The following FOXP2 variants were observed in gnomAD, a reference collection of about 807,000 sequenced individuals.
FOXP2 encodes the protein forkhead box P2, also known as forkhead box protein P2.
A neutral mutation model predicts 115.8 loss-of-function variants in FOXP2; 12 were observed. That is an observed-to-expected ratio of 0.10 (90% confidence interval 0.07 to 0.17). The LOEUF (loss-of-function observed/expected upper bound fraction) is 0.17, where lower values mean the gene tolerates loss of function less well. FOXP2 is among the 10% of genes least tolerant of loss of function. The probability of loss-of-function intolerance (pLI) is 1.00; values close to 1 mark genes in which losing one functional copy is unlikely to be tolerated. For missense variants in FOXP2, 629 were observed against 843.5 expected (o/e 0.75, Z 3.15); for synonymous variants, 328 against 297.7 (o/e 1.10, Z -1.05).
At chr7:114,458,324 A>T (rs2129223177) in intron 2 of FOXP2, among the ~76,000 whole-genome samples, 1 of 152,156 alleles carries the variant, frequency 6.6e-6, no homozygotes, top group South Asian at 2.1e-4. Flanking sequence ...GATTGTAAGA[A>T]TTTGCATAAT....
chr7:114,210,885 C>T (rs558436567), intron 1 of FOXP2, among the ~76,000 whole-genome samples: 1 of 152,228 alleles, frequency 6.6e-6, no homozygotes, highest in Admixed American at 6.5e-5. Flanking sequence ...AGGAGGAAAT[C>T]GATCGGGGTC....
At chr7:114,202,090 G>A (rs377109740) in intron 1 of FOXP2, among the ~76,000 whole-genome samples, 52 of 152,304 alleles carry the variant, frequency 3.4e-4, no homozygotes, top group African/African-American at 1.2e-3. Flanking sequence ...CCATCCAGAG[G>A]GAAGAGGATC....
chr7:114,290,462 A>G (rs1473273975), intron 2 of FOXP2, among the ~76,000 whole-genome samples: 1 of 152,110 alleles, frequency 6.6e-6, no homozygotes, highest in African/African-American at 2.4e-5. Flanking sequence ...AATTCAGTAG[A>G]AATAATTTTC....
intron 2 of FOXP2, among the ~76,000 whole-genome samples, chr7:114,316,833 T>TG (rs1245474845): frequency 2.0e-5 from 3 of 151,960 alleles, no homozygotes; most frequent in African/African-American, 7.3e-5. Flanking sequence ...AAAAACTTTC[T>TG]AATTTTTTTT....
chr7:114,332,745 G>A (rs1797742685), intron 2 of FOXP2, among the ~76,000 whole-genome samples: 1 of 152,272 alleles, frequency 6.6e-6, no homozygotes, highest in East Asian at 1.9e-4. Flanking sequence ...TTCTGTCGAT[G>A]CTGTCTTCTA....
chr7:114,581,452 T>C (rs1801865495), intron 3 of FOXP2, among the ~76,000 whole-genome samples: 1 of 152,056 alleles, frequency 6.6e-6, no homozygotes, highest in Admixed American at 6.6e-5. Context: ...ATCTTCTTTA[T>C]AATTAACACT....
intron 2 of FOXP2, among the ~76,000 whole-genome samples, chr7:114,300,754 A>C (rs2049600): frequency 1.3e-5 from 2 of 151,930 alleles, no homozygotes; most frequent in Admixed American, 1.3e-4. Flanking sequence ...TTCACCTGGA[A>C]AGTTTTTTTT....
At chr7:114,685,713 C>T (rs1178676250) in intron 16 of FOXP2, among the ~76,000 whole-genome samples, 1 of 152,150 alleles carries the variant, frequency 6.6e-6, no homozygotes, top group East Asian at 1.9e-4. Context: ...AATGTTAGAA[C>T]AGTTCCAGAA....
rs189349239 is a variant in FOXP2 at position 114,572,800 on chromosome 7, A to G, written c.258+38094A>G. ...AAGAAATCTATAGCATCAAAAGTTT[A>G]TATTTTCACTGACATATTTTCAGAA... is the stretch of plus-strand genomic sequence containing the variant. On this transcript the variant is annotated intron_variant, in intron 3 of 16. Transcript: ENST00000350908. 2.8e-3 allele frequency among the ~76,000 whole-genome samples: 420 copies of G among 152,042 alleles called. 1 individual carries two copies. The highest frequency in any genetic ancestry group is 4.1e-3 in the Non-Finnish European group (275 of 67,866).
chr7:114,174,421 C>G (rs1487095422), intron 1 of FOXP2, among the ~76,000 whole-genome samples: 1 of 151,886 alleles, frequency 6.6e-6, no homozygotes. Flanking sequence ...TTATGTTAAC[C>G]TGAATTTTTA....
intron 1 of FOXP2, among the ~76,000 whole-genome samples, chr7:114,142,730 T>G (rs576009539): frequency 8.5e-5 from 13 of 152,294 alleles, no homozygotes; most frequent in African/African-American, 3.1e-4. Flanking sequence ...TTTCTCCATG[T>G]GGATTAACTA....
At chr7:114,619,479 T>C (rs946589895) in intron 3 of FOXP2, among the ~76,000 whole-genome samples, 4 of 152,116 alleles carry the variant, frequency 2.6e-5, no homozygotes, top group African/African-American at 9.7e-5. Context: ...GAAACTTAAA[T>C]CTGCATTAGG....
intron 2 of FOXP2, among the ~76,000 whole-genome samples, chr7:114,341,392 A>G (rs1401437006): frequency 6.6e-6 from 1 of 151,268 alleles, no homozygotes; most frequent in East Asian, 1.9e-4. Context: ...TTTGGGAACA[A>G]TCTTATGATT....
At chr7:114,288,254 T>A (rs1796512524) in intron 2 of FOXP2, 1 of 369,724 alleles carries the variant, frequency 2.7e-6, no homozygotes, top group Non-Finnish European at 5.3e-6. Flanking sequence ...TTGAGACATG[T>A]TAAGTGTGGC....
chr7:114,473,746 G>T (rs1159522147), intron 2 of FOXP2, among the ~76,000 whole-genome samples: 2 of 152,064 alleles, frequency 1.3e-5, no homozygotes, highest in African/African-American at 4.8e-5. Flanking sequence ...TCTCCCCACA[G>T]TTCTGATACC....
chr7:114,569,930 C>A (rs1801205689), intron 3 of FOXP2, among the ~76,000 whole-genome samples: 1 of 151,888 alleles, frequency 6.6e-6, no homozygotes, highest in African/African-American at 2.4e-5. Flanking sequence ...CCTTGCTTTT[C>A]TTCTTTTCTG....
At chr7:114,547,312 T>G (rs1465750854) in intron 3 of FOXP2, among the ~76,000 whole-genome samples, 2 of 152,210 alleles carry the variant, frequency 1.3e-5, no homozygotes, top group African/African-American at 4.8e-5. Flanking sequence ...ATTGTTTGCT[T>G]ACAATAAATC....
intron 2 of FOXP2, among the ~76,000 whole-genome samples, chr7:114,490,410 G>C (rs540784125): frequency 2.0e-4 from 31 of 152,282 alleles, no homozygotes; most frequent in African/African-American, 7.5e-4. Context: ...CAGGGGCTCA[G>C]GGAGGTAGGG....
At chr7:114,228,243 A>T (rs1794790918) in intron 1 of FOXP2, among the ~76,000 whole-genome samples, 1 of 152,004 alleles carries the variant, frequency 6.6e-6, no homozygotes, top group African/African-American at 2.4e-5. Flanking sequence ...TGTTGCTGGA[A>T]AGACCTACTA....
Sources: gnomAD v4.1 joint callset for allele counts (sites outside exome capture counted in the v4.1 genomes callset) on GRCh38, gnomAD v4.1.1 for gene constraint, MANE v1.5 for transcripts, NCBI Gene and HGNC (gene_info 2026-07-23, HGNC 2026-07-21) for gene names.